Variants in MGAT4C observed in about 807,000 individuals in gnomAD.
MGAT4C encodes the protein alpha-1,3-mannosyl-glycoprotein 4-beta-N-acetylglucosaminyltransferase C.
MGAT4C carries 19 observed loss-of-function variants against 40.1 expected under a neutral mutation model. That is an observed-to-expected ratio of 0.47 (90% CI 0.33 to 0.70). The LOEUF is 0.70. Ranked by LOEUF, MGAT4C falls within the 30% of genes least tolerant of loss-of-function variation. The pLI is 0.02. For missense variants in MGAT4C, 491 were observed against 563.2 expected (o/e 0.87, Z 1.30); for synonymous variants, 181 against 187.1 (o/e 0.97, Z 0.27).
In MGAT4C at chr12:86,147,752, G is replaced by A. The variant is rs182361010; in HGVS notation, c.-56-98029C>T. 5.1e-4 allele frequency among the ~76,000 whole-genome samples: 77 copies of A among 152,166 alleles called. No individual in the cohort carries two copies. The East Asian group carries it at 0.012, about 24-fold the overall frequency. ...AAAATGGAAATCATATTGAGTGAAA[G>A]TTTTTCTATTTAAGGGAATAAATCA... On this transcript the variant is annotated intron_variant, in intron 1 of 4. Transcript: ENST00000611864.
At chr12:86,177,143 A>G (rs1358657723) in intron 1 of MGAT4C, among the ~76,000 whole-genome samples, 1 of 152,088 alleles carries the variant, frequency 6.6e-6, no homozygotes, top group African/African-American at 2.4e-5. Flanking sequence ...ATTTATGCTA[A>G]GTGTAGCTCT....
chr12:86,540,126 GT>G (rs1403894288), intron 2 of MGAT4C, among the ~76,000 whole-genome samples: 1 of 152,132 alleles, frequency 6.6e-6, no homozygotes, highest in Middle Eastern at 3.2e-3. Context: ...TAATGCCTAG[GT>G]TTTCTTCTAG....
At chr12:86,246,878 G>A (rs138073900) in intron 1 of MGAT4C, among the ~76,000 whole-genome samples, 169 of 152,202 alleles carry the variant, frequency 1.1e-3, no homozygotes, top group African/African-American at 4.0e-3. Flanking sequence ...GACCTTCCCT[G>A]CAATTTAAAG....
At chr12:86,748,763 A>T (rs1274334529) in intron 1 of MGAT4C, among the ~76,000 whole-genome samples, 1 of 151,650 alleles carries the variant, frequency 6.6e-6, no homozygotes, top group African/African-American at 2.4e-5. Context: ...GATTTTTTTT[A>T]AACATTTACA....
intron 3 of MGAT4C, among the ~76,000 whole-genome samples, chr12:86,394,856 T>C (rs1050932306): frequency 1.3e-5 from 2 of 151,690 alleles, no homozygotes; most frequent in Admixed American, 1.3e-4. Context: ...CCTCAGGTGA[T>C]CCACCCACCT....
intron 4 of MGAT4C, among the ~76,000 whole-genome samples, chr12:86,306,084 A>G (rs1953928669): frequency 6.6e-6 from 1 of 150,586 alleles, no homozygotes; most frequent in Non-Finnish European, 1.5e-5. Flanking sequence ...AGAAAGTCTA[A>G]TTTCCAAATT....
At chr12:86,400,956 T>C (rs1592793770) in intron 3 of MGAT4C, among the ~76,000 whole-genome samples, 1 of 152,278 alleles carries the variant, frequency 6.6e-6, no homozygotes, top group African/African-American at 2.4e-5. Context: ...TGTAGAATGA[T>C]CTCACAGAAA....
intron 2 of MGAT4C, among the ~76,000 whole-genome samples, chr12:86,016,651 TGATTAGAAAAATTTAGG>T (rs1889117875): frequency 6.6e-6 from 1 of 152,188 alleles, no homozygotes; most frequent in South Asian, 2.1e-4. Flanking sequence ...TTCCCACCTC[TGATTAGAAAAATTTAGG>T]GATTAAACTA....
At position 86,513,060 on chromosome 12, in the gene MGAT4C, A is replaced by C. The variant is rs75724140; in HGVS notation, c.-228-77795T>G. ...TATTTATTCTTATTTCTCTCAGCAGAATATTAACTTGAGAGAGCCAATTAA... is the reference window on the plus strand; with the variant it reads ...TATTTATTCTTATTTCTCTCAGCAGCATATTAACTTGAGAGAGCCAATTAA... On this transcript the variant is annotated intron_variant, in intron 2 of 7. Transcript: ENST00000548651. 5.8e-3 allele frequency among the ~76,000 whole-genome samples: 890 copies of C among 152,220 alleles called. 5 individuals are homozygous for C. The highest frequency in any genetic ancestry group is 0.01 in the Middle Eastern group (3 of 294).
chr12:86,391,924 C>T (rs2136228969), intron 3 of MGAT4C, among the ~76,000 whole-genome samples: 1 of 152,096 alleles, frequency 6.6e-6, no homozygotes, highest in African/African-American at 2.4e-5. Flanking sequence ...AATTTGAGTT[C>T]CACTCTAAGT....
intron 1 of MGAT4C, among the ~76,000 whole-genome samples, chr12:86,191,827 A>G (rs1291279850): frequency 7.0e-6 from 1 of 142,248 alleles, no homozygotes; most frequent in Non-Finnish European, 1.5e-5. Context: ...CACAATAGCA[A>G]TGACTTGGAA....
chr12:86,570,034 T>C (rs2136420554), intron 2 of MGAT4C, among the ~76,000 whole-genome samples: 1 of 152,182 alleles, frequency 6.6e-6, no homozygotes, highest in African/African-American at 2.4e-5. Flanking sequence ...TGGTGATTAT[T>C]AGAAGTTGAG....
chr12:86,589,033 G>A (rs1961198528), intron 2 of MGAT4C, among the ~76,000 whole-genome samples: 2 of 149,520 alleles, frequency 1.3e-5, no homozygotes, highest in South Asian at 4.3e-4. Flanking sequence ...GCTAGCAGAA[G>A]GCAAGAAATA....
chr12:86,340,342 C>A (rs536862808), intron 3 of MGAT4C, among the ~76,000 whole-genome samples: 5 of 151,962 alleles, frequency 3.3e-5, no homozygotes, highest in African/African-American at 1.2e-4. Context: ...AATTAGAAGA[C>A]GTTTTGCATC....
rs1883225725 is a variant in MGAT4C, at chr12:85,963,688, T to C, written c.*15601A>G. On this transcript the variant is annotated 3_prime_UTR_variant, in exon 5 of 5. Coordinates refer to ENST00000611864, the MANE Select transcript of MGAT4C (RefSeq NM_001351288.2). ...AGATATTATTGAGGCTCAAGGTTGT[T>C]TAATGGCACAGATAATATAATTCAA... 1.3e-5 allele frequency: 2 copies of C among 151,988 alleles called. No homozygotes were observed. Among genetic ancestry groups the C allele is most frequent in the African/African-American group, 4.8e-5 (2 of 41,424 alleles). The allele number at this position is 151,988 out of a possible 1,614,324, so 9.4% of individuals were successfully genotyped here.
intron 2 of MGAT4C, among the ~76,000 whole-genome samples, chr12:86,005,676 G>T (rs1172764150): frequency 6.6e-6 from 1 of 152,158 alleles, no homozygotes; most frequent in Non-Finnish European, 1.5e-5. Flanking sequence ...CTGATGGCTA[G>T]TTCTTGGCTG....
At chr12:86,360,938 T>A (rs1955450320) in intron 3 of MGAT4C, among the ~76,000 whole-genome samples, 1 of 152,232 alleles carries the variant, frequency 6.6e-6, no homozygotes, top group Non-Finnish European at 1.5e-5. Flanking sequence ...TTCAATGCCA[T>A]CCCCATCAAG....
chr12:86,490,282 G>A (rs1287939716), intron 2 of MGAT4C, among the ~76,000 whole-genome samples: 1 of 152,026 alleles, frequency 6.6e-6, no homozygotes, highest in Non-Finnish European at 1.5e-5. Flanking sequence ...CATTCTTAAA[G>A]AAAAGAATTT....
At chr12:86,345,261 TTTTTA>T (rs201452731) in intron 3 of MGAT4C, among the ~76,000 whole-genome samples, 1,561 of 151,862 alleles carry the variant, frequency 0.01, 30 homozygotes, top group African/African-American at 0.036. Flanking sequence ...TATTTATTTA[TTTTTA>T]TTTTATTTTA....
Sources: allele counts gnomAD v4.1 joint callset (sites outside exome capture counted in the v4.1 genomes callset), GRCh38; gene constraint gnomAD v4.1.1; transcripts MANE v1.5; gene names NCBI Gene and HGNC (gene_info 2026-07-23, HGNC 2026-07-21).